Variants in WDR4 observed in about 807,000 individuals in gnomAD.
WDR4 encodes WDR4 tRNA N7-guanosine methyltransferase non-catalytic subunit.
A neutral mutation model predicts 48.6 loss-of-function variants in WDR4; 47 were observed. That is an observed-to-expected ratio of 0.97 (90% CI 0.77 to 1.23). The LOEUF is 1.23. Ranked by LOEUF, WDR4 falls within the 50% of genes most tolerant of loss-of-function variation. WDR4 has a pLI of 0.00. For synonymous variants in WDR4, 268 were observed against 230.0 expected (o/e 1.17, Z -1.49); for missense variants, 606 against 551.6 (o/e 1.10, Z -0.99).
the WDR4 span, among the ~76,000 whole-genome samples, chr21:42,891,327 C>CAAA: frequency 4.8e-5 from 6 of 123,806 alleles, no homozygotes; most frequent in South Asian, 2.5e-4. Context: ...GATTCTGTCT[C>CAAA]AAAAAAAAAA....
the WDR4 span, among the ~76,000 whole-genome samples, chr21:42,888,575 T>C: frequency 2.0e-5 from 3 of 150,456 alleles, no homozygotes; most frequent in Admixed American, 2.0e-4. Flanking sequence ...AATAAATAAA[T>C]CAATAAATAT....
chr21:42,882,825 G>A (rs1213715587), upstream of WDR4, among the ~76,000 whole-genome samples: 2 of 151,896 alleles, frequency 1.3e-5, no homozygotes, highest in Admixed American at 6.6e-5. Context: ...CAGGCTGGGC[G>A]CAGTGGCTAA....
chr21:42,858,381 G>A (rs1027914325), intron 6 of WDR4, among the ~76,000 whole-genome samples: 4 of 152,174 alleles, frequency 2.6e-5, no homozygotes, highest in Non-Finnish European at 5.9e-5. Flanking sequence ...TACAGGAAGC[G>A]CGCGGGAAAA....
At chr21:42,865,713 C>G (rs995696290) in intron 3 of WDR4, among the ~76,000 whole-genome samples, 2 of 152,084 alleles carry the variant, frequency 1.3e-5, no homozygotes, top group African/African-American at 4.8e-5. Context: ...TGAGGCACAA[C>G]CCCGCCCGCC....
At chr21:42,881,032 A>C (rs1039577726), upstream of WDR4, among the ~76,000 whole-genome samples, 5 of 151,312 alleles carry the variant, frequency 3.3e-5, no homozygotes, top group Non-Finnish European at 7.4e-5. Flanking sequence ...CAGCCTCCTG[A>C]GTAGCTGGGA....
chr21:42,846,251 C>T (rs2057710438), downstream of WDR4, among the ~76,000 whole-genome samples: 1 of 152,212 alleles, frequency 6.6e-6, no homozygotes, highest in African/African-American at 2.4e-5. Flanking sequence ...GGGATTTTCA[C>T]ACAATGGAGT....
chr21:42,857,523 A>G (rs464625), intron 6 of WDR4, among the ~76,000 whole-genome samples: 46,606 of 152,054 alleles, frequency 0.31, 7,415 homozygotes, highest in African/African-American at 0.33. Context: ...AAAGGCAGAC[A>G]ACACACTCCA....
intron 6 of WDR4, among the ~76,000 whole-genome samples, chr21:42,858,380 C>G (rs762607308): frequency 6.6e-6 from 1 of 152,168 alleles, no homozygotes; most frequent in Non-Finnish European, 1.5e-5. Flanking sequence ...CTACAGGAAG[C>G]GCGCGGGAAA....
At chr21:42,889,944 G>A in the WDR4 span, among the ~76,000 whole-genome samples, 1 of 152,212 alleles carries the variant, frequency 6.6e-6, no homozygotes, top group African/African-American at 2.4e-5. Context: ...AGGCCCATGT[G>A]CAATGGCTTG....
chr21:42,883,145 C>T (rs1213995435), upstream of WDR4, among the ~76,000 whole-genome samples: 2 of 146,186 alleles, frequency 1.4e-5, no homozygotes, highest in Non-Finnish European at 3.0e-5. Context: ...AGTGGTGGTG[C>T]GTGCCTGTAG....
chr21:42,879,383 G>C, intron 1 of WDR4, 24 bp downstream of exon 1: 2 of 1,611,926 alleles, frequency 1.2e-6, no homozygotes, highest in Non-Finnish European at 1.7e-6. Flanking sequence ...TGGTCTCCCT[G>C]TTCCAAGACC....
downstream of WDR4, among the ~76,000 whole-genome samples, chr21:42,847,562 G>A (rs1484925016): frequency 6.6e-6 from 1 of 152,196 alleles, no homozygotes; most frequent in Non-Finnish European, 1.5e-5. Flanking sequence ...GTGGAGAGAC[G>A]CGGCCCCGTG....
intron 6 of WDR4, 145 bp from the exon 7 acceptor site, chr21:42,855,925 G>C: frequency 1.9e-6 from 1 of 537,436 alleles, no homozygotes; most frequent in South Asian, 3.8e-5. Flanking sequence ...TCTCTGCTCT[G>C]ACTGTGTAAA....
chr21:42,865,221 A>G (rs1376781500), intron 3 of WDR4, among the ~76,000 whole-genome samples: 1 of 152,228 alleles, frequency 6.6e-6, no homozygotes, highest in Non-Finnish European at 1.5e-5. Context: ...AGAGAAAACA[A>G]GGACAAAGAA....
the WDR4 span, among the ~76,000 whole-genome samples, chr21:42,892,781 G>C: frequency 6.6e-6 from 1 of 152,242 alleles, no homozygotes; most frequent in Non-Finnish European, 1.5e-5. Flanking sequence ...GGCCATGCAG[G>C]AGGGGCAGTG....
In WDR4 at chr21:42,859,822, C is replaced by T; in HGVS notation, c.567-100G>A. 3 of 1,197,948 alleles carry T rather than the reference C, an allele frequency of 2.5e-6. No homozygotes were observed. In the South Asian group the frequency reaches 3.9e-5, roughly 16 times the overall value. The allele number at this position is 1,197,948 out of a possible 1,614,324, so 74.2% of individuals were successfully genotyped here. A position where few individuals can be genotyped will look rare whatever the true frequency, so the allele number is the denominator to read the frequency against. On this transcript the variant is annotated intron_variant, in intron 5 of 10. Transcript: ENST00000398208. Reference sequence around the variant, plus strand: ...CTGTTCATCTAAGGAAGAGAAGCCTCTGCCCTAAACCCCCTGATCCAATAA... The same window carrying T: ...CTGTTCATCTAAGGAAGAGAAGCCTTTGCCCTAAACCCCCTGATCCAATAA...
intron 3 of WDR4, among the ~76,000 whole-genome samples, chr21:42,865,506 C>G (rs1023843735): frequency 1.2e-4 from 18 of 152,178 alleles, no homozygotes; most frequent in Non-Finnish European, 2.4e-4. Flanking sequence ...TCCTGCCCAG[C>G]TCAGCAGAGG....
intron 3 of WDR4, 97 bp downstream of exon 3, chr21:42,873,454 T>C (rs2058417858): frequency 2.6e-6 from 4 of 1,525,420 alleles, no homozygotes; most frequent in African/African-American, 1.4e-5. Context: ...CAACCACTTA[T>C]CACCCTTATC....
At chr21:42,885,421 G>A in the WDR4 span, among the ~76,000 whole-genome samples, 2 of 152,030 alleles carry the variant, frequency 1.3e-5, no homozygotes, top group East Asian at 1.9e-4. Flanking sequence ...GACCAGCCTG[G>A]CCAACATGGT....
Sources: gnomAD v4.1 joint callset for allele counts (sites outside exome capture counted in the v4.1 genomes callset) on GRCh38, gnomAD v4.1.1 for gene constraint, MANE v1.5 for transcripts, NCBI Gene and HGNC (gene_info 2026-07-23, HGNC 2026-07-21) for gene names.